Variants in PEPD observed in about 807,000 individuals in gnomAD.
The protein encoded by PEPD is peptidase D.
A neutral mutation model predicts 60.7 loss-of-function variants in PEPD; 53 were observed. The observed-to-expected ratio is 0.87, with a 90% CI of 0.70 to 1.10. The LOEUF (loss-of-function observed/expected upper bound fraction) is 1.10, where lower values mean the gene tolerates loss of function less well. PEPD is among the 50% of genes least tolerant of loss of function. PEPD has a pLI of 0.00. For missense variants in PEPD, 711 were observed against 711.9 expected, an observed-to-expected ratio of 1.00 and a Z score of 0.01; for synonymous variants, 267 against 284.1, an observed-to-expected ratio of 0.94 and a Z score of 0.60.
At chr19:33,485,509 A>AAAAAAAG (rs71181360) in intron 6 of PEPD, among the ~76,000 whole-genome samples, 1 of 150,452 alleles carries the variant, frequency 6.6e-6, no homozygotes, top group Non-Finnish European at 1.5e-5. Flanking sequence ...AAAAAAAAAA[A>AAAAAAAG]GAAGCCAATC....
rs562374268 is a variant in PEPD, at chr19:33,513,162, G to A, written c.18-386C>T. Among the ~76,000 whole-genome samples, 75 of 152,216 alleles carry A rather than the reference G, an allele frequency of 4.9e-4. 1 individual carries two copies. Among genetic ancestry groups the A allele is most frequent in the South Asian group, 2.9e-3 (14 of 4,824 alleles). On this transcript the variant is annotated intron_variant, in intron 1 of 14. Coordinates refer to ENST00000244137, the MANE Select transcript of PEPD (RefSeq NM_000285.4). The stretch of plus-strand genomic sequence containing the variant: ...GCGGAAACCTTCTCCAACAGCAGCC[G>A]GTCCAGGCTCCCTACCAGGCAGGCC...
intron 9 of PEPD, among the ~76,000 whole-genome samples, chr19:33,417,143 GC>G (rs1415314965): frequency 6.6e-6 from 1 of 152,264 alleles, no homozygotes; most frequent in Non-Finnish European, 1.5e-5. Context: ...GCAAGTGTCG[GC>G]CAAGCTATGT....
intron 4 of PEPD, among the ~76,000 whole-genome samples, chr19:33,493,607 C>G: frequency 6.6e-6 from 1 of 152,086 alleles, no homozygotes; most frequent in African/African-American, 2.4e-5. Context: ...AGGCACCACA[C>G]AGATCCCTGG....
intron 9 of PEPD, among the ~76,000 whole-genome samples, chr19:33,419,987 T>A (rs998761032): frequency 1.3e-5 from 2 of 152,224 alleles, no homozygotes; most frequent in African/African-American, 4.8e-5. Flanking sequence ...CAGCTCACTC[T>A]CTCTCTGAGA....
At chr19:33,399,619 C>T (rs377142348) in intron 12 of PEPD, among the ~76,000 whole-genome samples, 9 of 151,992 alleles carry the variant, frequency 5.9e-5, no homozygotes, top group African/African-American at 1.2e-4. Flanking sequence ...CTGAAAGCGA[C>T]GGTGGCTGAG....
intron 5 of PEPD, among the ~76,000 whole-genome samples, chr19:33,492,303 G>A (rs1408101441): frequency 6.6e-6 from 1 of 152,174 alleles, no homozygotes; most frequent in Non-Finnish European, 1.5e-5. Flanking sequence ...CTGCTACCTT[G>A]AGGGCAGACG....
intron 9 of PEPD, among the ~76,000 whole-genome samples, chr19:33,442,929 G>A (rs950523555): frequency 2.0e-5 from 3 of 152,092 alleles, no homozygotes; most frequent in African/African-American, 4.8e-5. Context: ...TGTGCTCCAC[G>A]GGGGCTGGGC....
chr19:33,502,032 GCTAGGCAGACCTCCAGC>G (rs1442757556), intron 3 of PEPD, among the ~76,000 whole-genome samples: 1 of 152,172 alleles, frequency 6.6e-6, no homozygotes, highest in African/African-American at 2.4e-5. Context: ...TCACAGCTGT[GCTAGGCAGACCTCCAGC>G]CTGGGTCCAG....
intron 12 of PEPD, among the ~76,000 whole-genome samples, chr19:33,394,824 C>T (rs115585000): frequency 0.015 from 2,311 of 152,268 alleles, 67 homozygotes; most frequent in African/African-American, 0.052. Flanking sequence ...CACCAGCTGC[C>T]CTGCGTGCCC....
At chr19:33,451,038 A>G (rs1167166248) in intron 9 of PEPD, among the ~76,000 whole-genome samples, 1 of 152,242 alleles carries the variant, frequency 6.6e-6, no homozygotes, top group Non-Finnish European at 1.5e-5. Context: ...AAAAGTGGGT[A>G]TAAATATGAC....
At chr19:33,416,456 A>G (rs552119792) in intron 9 of PEPD, among the ~76,000 whole-genome samples, 4 of 152,158 alleles carry the variant, frequency 2.6e-5, no homozygotes. Flanking sequence ...GACCATCTCC[A>G]TAGGCTCCTT....
chr19:33,452,219 C>T (rs948874273), intron 9 of PEPD, among the ~76,000 whole-genome samples: 6 of 152,162 alleles, frequency 3.9e-5, no homozygotes, highest in African/African-American at 1.4e-4. Context: ...AATTCAACCA[C>T]ATCTACTGGG....
At chr19:33,444,682 G>A (rs770317989) in intron 9 of PEPD, among the ~76,000 whole-genome samples, 1 of 149,458 alleles carries the variant, frequency 6.7e-6, no homozygotes, top group Non-Finnish European at 1.5e-5. Context: ...AGCCACCTCC[G>A]TCCACTCACC....
intron 2 of PEPD, 94 bp from the exon 3 acceptor site, chr19:33,511,249 A>C: frequency 1.6e-5 from 21 of 1,332,676 alleles, no homozygotes; most frequent in Non-Finnish European, 2.2e-5. Context: ...GAGCCAGCTC[A>C]GACCGACAGC....
At chr19:33,485,809 G>A (rs1449672882) in intron 6 of PEPD, among the ~76,000 whole-genome samples, 1 of 152,158 alleles carries the variant, frequency 6.6e-6, no homozygotes, top group African/African-American at 2.4e-5. Flanking sequence ...GCCTGAATAA[G>A]TGTATTTCTT....
intron 9 of PEPD, among the ~76,000 whole-genome samples, chr19:33,454,643 TA>T (rs139998175): frequency 0.012 from 1,813 of 147,552 alleles, 38 homozygotes; most frequent in African/African-American, 0.042. Context: ...ATTTCAAGTT[TA>T]AAAAAAAAAG....
At chr19:33,466,047 A>G (rs1970012267) in intron 7 of PEPD, among the ~76,000 whole-genome samples, 1 of 152,218 alleles carries the variant, frequency 6.6e-6, no homozygotes, top group East Asian at 1.9e-4. Context: ...GTATAATTAG[A>G]CACTGGACAG....
intron 9 of PEPD, among the ~76,000 whole-genome samples, chr19:33,424,496 C>T (rs2145385666): frequency 6.6e-6 from 1 of 152,332 alleles, no homozygotes; most frequent in East Asian, 1.9e-4. Flanking sequence ...CTAATCCATG[C>T]TGACTGTAGA....
At chr19:33,461,649 G>A (rs1013300196) in intron 9 of PEPD, among the ~76,000 whole-genome samples, 2 of 152,242 alleles carry the variant, frequency 1.3e-5, no homozygotes, top group Non-Finnish European at 2.9e-5. Flanking sequence ...GGTTTCCGGG[G>A]CAGTGCCAAT....
Sources: allele counts gnomAD v4.1 joint callset (sites outside exome capture counted in the v4.1 genomes callset), GRCh38; gene constraint gnomAD v4.1.1; transcripts MANE v1.5; gene names NCBI Gene and HGNC (gene_info 2026-07-23, HGNC 2026-07-21).